SALL3: variants seen among roughly 807,000 people sequenced by gnomAD.
SALL3 encodes the protein sal-like protein 3.
Under a neutral mutation model 66.2 loss-of-function variants are expected in SALL3, and 25 were observed. That is an observed-to-expected ratio of 0.38 (90% CI 0.28 to 0.53). SALL3 has a LOEUF of 0.53. Among genes scored for constraint, SALL3 ranks in the 20% least tolerant of loss-of-function variants. SALL3 has a pLI of 0.85. For synonymous variants in SALL3, 1,152 were observed against 899.1 expected (o/e 1.28, Z -5.03); for missense variants, 2,194 against 1,916.5 (o/e 1.14, Z -2.70).
chr18:78,994,191 C>T lies in SALL3; in HGVS notation c.2200C>T (p.Pro734Ser), dbSNP rs578044298. ...THFGVHRAKPPLRVQHSCPIC... is the reference protein window; with the variant it reads ...THFGVHRAKPSLRVQHSCPIC... ...CTTCGGCGTGCACCGTGCAAAGCCG[C>T]CCCTGCGCGTGCAGCACTCCTGCCC... The change falls in exon 2 of 3, where the codon CCC (proline) becomes TCC (serine). Residue 734 changes from proline to serine, a missense_variant. Physicochemically the swap from Pro to Ser is moderately conservative, Grantham distance 74. Transcript: ENST00000537592. 5.0e-5 allele frequency: 80 copies of T among 1,613,374 alleles called. 1 individual carries two copies. In the South Asian group the frequency reaches 8.1e-4, roughly 16 times the overall value.
In SALL3 at chr18:78,997,588, T is replaced by C; in HGVS notation, c.*266T>C. 2.0e-6 allele frequency: 1 copy of C among 498,034 alleles called. No homozygotes were observed. The highest frequency in any genetic ancestry group is 3.1e-5 in the East Asian group (1 of 32,584). The allele number at this position is 498,034 out of a possible 1,614,324, so 30.9% of individuals were successfully genotyped here. Reference sequence around the variant, plus strand: ...AAACCGCCTTAGGAACAGAAAGAGCTCAGACCATGTCCACTTCCTTTCTCC... The same window carrying C: ...AAACCGCCTTAGGAACAGAAAGAGCCCAGACCATGTCCACTTCCTTTCTCC... On this transcript the variant is annotated 3_prime_UTR_variant, in exon 3 of 3. Coordinates refer to ENST00000537592, the MANE Select transcript of SALL3 (RefSeq NM_171999.4).
intron 1 of SALL3, among the ~76,000 whole-genome samples, chr18:78,981,616 G>C (rs1051563486): frequency 2.6e-5 from 4 of 152,206 alleles, no homozygotes; most frequent in Non-Finnish European, 4.4e-5. Flanking sequence ...AAATTAGTGA[G>C]CTCGCTGGGG....
In SALL3 at chr18:78,992,933, C is replaced by G; in HGVS notation, c.942C>G (p.Pro314=). ...GPAEPSAPAA[P]SAAPAPAAPA... ...CGGAGCCCAGCGCGCCCGCCGCCCC[C>G]AGCGCCGCCCCTGCCCCCGCTGCCC... The change falls in exon 2 of 3, where the codon CCC becomes CCG. Residue 314 remains proline (P), a synonymous_variant. Coordinates refer to ENST00000537592, the MANE Select transcript of SALL3 (RefSeq NM_171999.4). 9.7e-7 allele frequency: 1 copy of G among 1,028,998 alleles called. No homozygotes were observed. Among genetic ancestry groups the G allele is most frequent in the Non-Finnish European group, 1.2e-6 (1 of 858,888 alleles). The allele number at this position is 1,028,998 out of a possible 1,614,324, so 63.7% of individuals were successfully genotyped here.
At position 78,998,160 on chromosome 18, in the gene SALL3, G is replaced by T. The variant is rs1914763533; in HGVS notation, c.*838G>T. ...CTCACAACATTATAAACAGTTGTGA[G>T]AAAATATTTCACATTATCAAAGCTG... On this transcript the variant is annotated 3_prime_UTR_variant, in exon 3 of 3. Coordinates refer to ENST00000537592, the MANE Select transcript of SALL3 (RefSeq NM_171999.4). 1 of 152,378 alleles carries T rather than the reference G, an allele frequency of 6.6e-6. No homozygotes were observed. Among genetic ancestry groups the T allele is most frequent in the Admixed American group, 6.6e-5 (1 of 15,248 alleles). The allele number at this position is 152,378 out of a possible 1,614,324, so 9.4% of individuals were successfully genotyped here. A position where few individuals can be genotyped will look rare whatever the true frequency, so the allele number is the denominator to read the frequency against.
chr18:78,981,403 C>G (rs1351179187), intron 1 of SALL3, among the ~76,000 whole-genome samples: 3 of 152,206 alleles, frequency 2.0e-5, no homozygotes, highest in African/African-American at 7.2e-5. Flanking sequence ...GGCAGGCCAA[C>G]TTTTATGATT....
chr18:78,992,969 GCCA>G lies in SALL3; in HGVS notation c.979_981del (p.Pro327del). The G allele has an allele frequency of 1.6e-6, 2 of 1,226,410 alleles. No individual in the cohort carries two copies. The highest frequency in any genetic ancestry group is 1.0e-6 in the Non-Finnish European group (1 of 984,972). 76.0% of individuals were successfully genotyped at this position (1,226,410 alleles called of 1,614,324 possible). A position where few individuals can be genotyped will look rare whatever the true frequency, so the allele number is the denominator to read the frequency against. ...CTGCCCCCGCTGCCCCCGCCCCGGC[GCCA>G]GCGCCGCAGAGCGCAGCCTCGTCGC... On this transcript the variant is annotated inframe_deletion, in exon 2 of 3. Coordinates refer to ENST00000537592, the MANE Select transcript of SALL3 (RefSeq NM_171999.4).
rs1295855931 is a variant in SALL3, at chr18:78,994,958, G to A, written c.2967G>A (p.Lys989=). ...CGVCGKPFAC[K]SALEIHYRSH... ...TCTGTGGCAAGCCTTTTGCTTGCAAGAGCGCGTTGGAAATCCACTACCGCA... is the reference window on the plus strand; with the variant it reads ...TCTGTGGCAAGCCTTTTGCTTGCAAAAGCGCGTTGGAAATCCACTACCGCA... Residue 989 remains lysine (K), a synonymous_variant, in exon 2 of 3, where the codon AAG becomes AAA. Transcript: ENST00000537592. 1.9e-6 allele frequency: 3 copies of A among 1,613,674 alleles called. No homozygotes were observed. Among genetic ancestry groups the A allele is most frequent in the Admixed American group, 1.7e-5 (1 of 60,014 alleles).
intron 1 of SALL3, among the ~76,000 whole-genome samples, chr18:78,983,577 G>C (rs906837432): frequency 2.0e-5 from 3 of 151,942 alleles, no homozygotes. Context: ...TAAATGTGTT[G>C]AGCATGTGAT....
chr18:78,993,326 G>A lies in SALL3; in HGVS notation c.1335G>A (p.Glu445=). 6.2e-7 allele frequency: 1 copy of A among 1,612,328 alleles called. No individual in the cohort carries two copies. The highest frequency in any genetic ancestry group is 8.5e-7 in the Non-Finnish European group (1 of 1,179,874). ...TCCACCTGCGCTCGCACACAGGCGAGCGGCCCTTCAAGTGCAACATCTGCG... is the reference window on the plus strand; with the variant it reads ...TCCACCTGCGCTCGCACACAGGCGAACGGCCCTTCAAGTGCAACATCTGCG... ...LQIHLRSHTG[E]RPFKCNICGN... is the part of the protein sequence containing the mutation. The change falls in exon 2 of 3, where the codon GAG becomes GAA. Residue 445 remains glutamate, a synonymous_variant. Coordinates refer to ENST00000537592, the MANE Select transcript of SALL3 (RefSeq NM_171999.4).
At chr18:78,995,535 C>G in intron 2 of SALL3, 73 bp downstream of exon 2, 1 of 1,483,324 alleles carries the variant, frequency 6.7e-7, no homozygotes, top group Middle Eastern at 1.8e-4. Context: ...TCACCTGCCG[C>G]AGACACAGCG....
intron 1 of SALL3, among the ~76,000 whole-genome samples, chr18:78,981,058 G>C (rs979655888): frequency 1.1e-4 from 17 of 152,240 alleles, no homozygotes; most frequent in Non-Finnish European, 2.4e-4. Context: ...CCGTCTTTTT[G>C]GATCCGCCGA....
In SALL3 at chr18:78,992,127, G is replaced by A; in HGVS notation, c.136G>A (p.Gly46Arg). 3 of 1,600,224 alleles carry A rather than the reference G, an allele frequency of 1.9e-6. No individual in the cohort carries two copies. The highest frequency in any genetic ancestry group is 2.6e-6 in the Non-Finnish European group (3 of 1,174,496). Residue 46 changes from glycine (G) to arginine (R), a missense_variant, in exon 2 of 3, where the codon GGG (glycine) becomes AGG (arginine). Transcript: ENST00000537592. The stretch of plus-strand genomic sequence containing the variant: ...AGACAGCGGGCCCGAGAGCCGCAGC[G>A]GGGGCGAGGAGACCAGCGTGTGCGA... ...DADSGPESRS[G>R]GEETSVCEKC...
Position 78,992,250 on chromosome 18 carries a change from C to A in SALL3, c.259C>A (p.Pro87Thr), listed in dbSNP as rs765762715. 6.3e-7 allele frequency: 1 copy of A among 1,576,310 alleles called. No individual in the cohort carries two copies. Among genetic ancestry groups the A allele is most frequent in the Non-Finnish European group, 8.6e-7 (1 of 1,166,548 alleles). ...CGTGCTGATCGTGCACGAGGACGCGCCCGCGCCGCCCCCCGAGGACTTCCC... is the reference window on the plus strand; with the variant it reads ...CGTGCTGATCGTGCACGAGGACGCGACCGCGCCGCCCCCCGAGGACTTCCC... ...PPVLIVHEDA[P>T]APPPEDFPEP... Residue 87 changes from proline (P) to threonine (T), a missense_variant, in exon 2 of 3, where the codon CCC becomes ACC. Coordinates refer to ENST00000537592, the MANE Select transcript of SALL3 (RefSeq NM_171999.4).
chr18:78,994,326 A>G lies in SALL3; in HGVS notation c.2335A>G (p.Met779Val), dbSNP rs1914596664. Residue 779 changes from methionine to valine, a missense_variant, in exon 2 of 3, where the codon ATG (methionine) becomes GTG (valine). Coordinates refer to ENST00000537592, the MANE Select transcript of SALL3 (RefSeq NM_171999.4). Reference protein sequence around the residue: ...TPLPEGFQDAMDSELAYDDKN... With the variant: ...TPLPEGFQDAVDSELAYDDKN... ...GCTGCCGGAGGGCTTCCAGGATGCC[A>G]TGGACTCCGAGCTGGCCTACGACGA... 7 of 1,613,672 alleles carry G rather than the reference A, an allele frequency of 4.3e-6. No individual in the cohort carries two copies. The Admixed American group carries it at 1.0e-4, about 23-fold the overall frequency.
At position 78,992,838 on chromosome 18, in the gene SALL3, C is replaced by G; in HGVS notation, c.847C>G (p.Pro283Ala). ...AAIAGSGPAA[P>A]AAFEGAQPLS... The stretch of plus-strand genomic sequence containing the variant: ...CATCGCGGGCTCGGGCCCCGCCGCC[C>G]CGGCCGCCTTCGAGGGCGCGCAGCC... Residue 283 changes from proline (P) to alanine (A), a missense_variant, in exon 2 of 3, where the codon CCG (proline) becomes GCG (alanine). Physicochemically the swap from Pro to Ala is conservative, Grantham distance 27 (BLOSUM62 -1). Coordinates refer to ENST00000537592, the MANE Select transcript of SALL3 (RefSeq NM_171999.4). The G allele has an allele frequency of 6.1e-6, 6 of 980,274 alleles. No homozygotes were observed. The highest frequency in any genetic ancestry group is 7.2e-6 in the Non-Finnish European group (6 of 828,142). The allele number at this position is 980,274 out of a possible 1,614,324, so 60.7% of individuals were successfully genotyped here.
In SALL3 at chr18:78,979,921, C is replaced by T. The variant is rs1913929406; in HGVS notation, c.-354C>T. Among the ~76,000 whole-genome samples, 2 of 144,484 alleles carry T rather than the reference C, an allele frequency of 1.4e-5. No homozygotes were observed. The highest frequency in any genetic ancestry group is 3.1e-5 in the Non-Finnish European group (2 of 65,158). 94.8% of individuals were successfully genotyped at this position (144,484 alleles called of 152,430 possible). On this transcript the variant is annotated 5_prime_UTR_variant, in exon 1 of 3. Coordinates refer to ENST00000537592, the MANE Select transcript of SALL3 (RefSeq NM_171999.4). ...ACCCGGGCCCCGCCACAGCCGCACC[C>T]GGGGCGGCCGAGGAGCGCGGCGCCG... is the stretch of plus-strand genomic sequence containing the variant.
rs751121107 is a variant in SALL3, at chr18:78,994,892, G to A, written c.2901G>A (p.Leu967=). ...KEEAPFSLLF[L]SRERGKCPST... ...AGGCGCCCTTCAGCCTGCTGTTCCT[G>A]AGCAGGGAGCGGGGTAAGTGTCCCA... The change falls in exon 2 of 3, where the codon CTG becomes CTA. Residue 967 remains leucine, a synonymous_variant. Coordinates refer to ENST00000537592, the MANE Select transcript of SALL3 (RefSeq NM_171999.4). The A allele has an allele frequency of 1.2e-6, 2 of 1,611,900 alleles. No homozygotes were observed. The highest frequency in any genetic ancestry group is 8.5e-7 in the Non-Finnish European group (1 of 1,179,344).
intron 1 of SALL3, among the ~76,000 whole-genome samples, chr18:78,981,006 T>G (rs1914044567): frequency 6.6e-6 from 1 of 152,188 alleles, no homozygotes; most frequent in African/African-American, 2.4e-5. Context: ...GCGGCGTGTT[T>G]CCGGGGCGTT....
chr18:78,993,848 TGCACCCACATCGGTGGACGGC>T lies in SALL3; in HGVS notation c.1866_1886del (p.Val624_Ser630del), dbSNP rs1217658028. On this transcript the variant is annotated inframe_deletion, in exon 2 of 3. Transcript: ENST00000537592. ...CTCCCGTGGGCGCGCAGGCTAGCGC[TGCACCCACATCGGTGGACGGC>T]GCACCCACGAGCCTCGGCAGCCCCG... The T allele has an allele frequency of 1.4e-5, 22 of 1,561,486 alleles. No homozygotes were observed. Among genetic ancestry groups the T allele is most frequent in the Non-Finnish European group, 1.6e-5 (19 of 1,155,212 alleles).
Sources: gnomAD v4.1 joint callset for allele counts (sites outside exome capture counted in the v4.1 genomes callset) on GRCh38, gnomAD v4.1.1 for gene constraint, MANE v1.5 for transcripts, NCBI Gene and HGNC (gene_info 2026-07-23, HGNC 2026-07-21) for gene names.